Variants in ZNF438 observed in about 807,000 individuals in gnomAD.
ZNF438 encodes the protein zinc finger protein 438.
Under a neutral mutation model 38.0 loss-of-function variants are expected in ZNF438, and 25 were observed. That is an observed-to-expected ratio of 0.66 (90% CI 0.48 to 0.92). The LOEUF is 0.92. Among genes scored for constraint, ZNF438 ranks in the 40% least tolerant of loss-of-function variants. The pLI, the probability that ZNF438 is intolerant of heterozygous loss-of-function variation, is 0.00. For synonymous variants in ZNF438, 372 were observed against 364.1 expected, an observed-to-expected ratio of 1.02 and a Z score of -0.25; for missense variants, 1,007 against 999.6, an observed-to-expected ratio of 1.01 and a Z score of -0.10.
intron 1 of ZNF438, among the ~76,000 whole-genome samples, chr10:30,963,209 G>C (rs752034914): frequency 2.6e-5 from 4 of 151,634 alleles, no homozygotes; most frequent in Non-Finnish European, 5.9e-5. Context: ...CTGGCCAACA[G>C]AGTGAAACCC....
At chr10:30,892,767 C>A (rs571873452) in intron 3 of ZNF438, among the ~76,000 whole-genome samples, 1 of 152,270 alleles carries the variant, frequency 6.6e-6, no homozygotes, top group South Asian at 2.1e-4. Flanking sequence ...AAGCTCTGTC[C>A]CCTGTCCGTA....
chr10:30,926,828 A>C (rs1313797772), intron 2 of ZNF438, among the ~76,000 whole-genome samples: 1 of 152,188 alleles, frequency 6.6e-6, no homozygotes, highest in South Asian at 2.1e-4. Context: ...TCTGGAATTC[A>C]CATGGTAAAA....
intron 1 of ZNF438, among the ~76,000 whole-genome samples, chr10:30,968,045 T>A (rs1189886329): frequency 6.6e-6 from 1 of 152,088 alleles, no homozygotes; most frequent in Non-Finnish European, 1.5e-5. Context: ...GAGCACAGCA[T>A]AAATTTATAA....
At chr10:30,895,473 C>A (rs1378692392) in intron 3 of ZNF438, among the ~76,000 whole-genome samples, 1 of 152,038 alleles carries the variant, frequency 6.6e-6, no homozygotes, top group East Asian at 1.9e-4. Flanking sequence ...GAGATGACAC[C>A]AAAAACATAG....
intron 4 of ZNF438, among the ~76,000 whole-genome samples, chr10:30,858,945 G>A (rs1168275829): frequency 6.6e-6 from 1 of 152,150 alleles, no homozygotes; most frequent in Non-Finnish European, 1.5e-5. Context: ...TTTCTGAGGA[G>A]CTGAGCTTCT....
intron 1 of ZNF438, among the ~76,000 whole-genome samples, chr10:30,972,467 C>T (rs551246514): frequency 3.3e-5 from 5 of 152,264 alleles, no homozygotes; most frequent in South Asian, 2.1e-4. Context: ...ACTTTTGCAA[C>T]GTATTCTTTT....
chr10:31,007,404 C>A (rs1331607437), intron 1 of ZNF438, among the ~76,000 whole-genome samples: 2 of 151,348 alleles, frequency 1.3e-5, no homozygotes, highest in Non-Finnish European at 2.9e-5. Flanking sequence ...GTCTCAGCCT[C>A]CTGAGTAGCT....
chr10:30,984,673 T>C (rs1045439406), intron 1 of ZNF438, among the ~76,000 whole-genome samples: 1 of 152,112 alleles, frequency 6.6e-6, no homozygotes, highest in Non-Finnish European at 1.5e-5. Flanking sequence ...AAAAAAGAAA[T>C]GCCACAATGA....
chr10:30,864,049 C>T (rs2036015545), intron 4 of ZNF438, among the ~76,000 whole-genome samples: 1 of 152,172 alleles, frequency 6.6e-6, no homozygotes, highest in Admixed American at 6.5e-5. Flanking sequence ...ATCCCCAGGG[C>T]CATCTCTCTC....
intron 2 of ZNF438, among the ~76,000 whole-genome samples, chr10:30,934,857 A>G (rs2046072183): frequency 6.6e-6 from 1 of 152,214 alleles, no homozygotes; most frequent in Non-Finnish European, 1.5e-5. Flanking sequence ...TTGCCAGGAC[A>G]TTATCTACTA....
intron 4 of ZNF438, among the ~76,000 whole-genome samples, chr10:30,863,059 C>T (rs12251780): frequency 0.027 from 4,143 of 152,116 alleles, 180 homozygotes; most frequent in African/African-American, 0.094. Context: ...TTTTGCTGCA[C>T]GTTTTTCTAT....
chr10:30,873,192 C>T (rs1208857223), intron 4 of ZNF438, among the ~76,000 whole-genome samples: 1 of 152,112 alleles, frequency 6.6e-6, no homozygotes, highest in East Asian at 1.9e-4. Context: ...AAACTAAATT[C>T]TATCCCTAAA....
chr10:31,031,039 G>T (rs1400599918), intron 1 of ZNF438, among the ~76,000 whole-genome samples: 2 of 152,176 alleles, frequency 1.3e-5, no homozygotes, highest in Non-Finnish European at 2.9e-5. Flanking sequence ...TATTTCTTGG[G>T]ATCCCCATTC....
intron 1 of ZNF438, among the ~76,000 whole-genome samples, chr10:30,952,031 T>A (rs554264718): frequency 0.12 from 17,391 of 147,654 alleles, 1,379 homozygotes; most frequent in Middle Eastern, 0.22. Context: ...CAAAACAGCA[T>A]GGTACTGGTA....
chr10:30,895,992 C>T (rs1349135979), intron 3 of ZNF438, among the ~76,000 whole-genome samples: 1 of 152,134 alleles, frequency 6.6e-6, no homozygotes, highest in African/African-American at 2.4e-5. Context: ...AGCAATTCCA[C>T]ATCTGTGTGA....
At position 30,962,055 on chromosome 10, in the gene ZNF438, T is replaced by C. The variant is rs933994858; in HGVS notation, c.-191-20404A>G. On this transcript the variant is annotated intron_variant, in intron 1 of 5. Coordinates refer to ENST00000413025, the Ensembl canonical transcript of ZNF438. ...AGGTCTTTTAATTTGCTTTTTCTTCTTAAGGTTACAAAAGCGAAAAGTCTT... is the reference window on the plus strand; with the variant it reads ...AGGTCTTTTAATTTGCTTTTTCTTCCTAAGGTTACAAAAGCGAAAAGTCTT... 4.1e-5 allele frequency among the ~76,000 whole-genome samples: 6 copies of C among 147,016 alleles called. 1 individual carries two copies. Among genetic ancestry groups the C allele is most frequent in the Non-Finnish European group, 9.2e-5 (6 of 64,926 alleles).
At position 30,877,080 on chromosome 10, in the gene ZNF438, G is replaced by T; in HGVS notation, c.-31-15C>A. On this transcript the variant is annotated splice_polypyrimidine_tract_variant and intron_variant, in intron 3 of 5. Transcript: ENST00000413025. ...TAGTATCTTTCCTAAAAATAAGCAA[G>T]CACAAATAAGTATTAGAAAGTAATT... is the stretch of plus-strand genomic sequence containing the variant. 1 of 1,490,676 alleles carries T rather than the reference G, an allele frequency of 6.7e-7. No individual in the cohort carries two copies. Among genetic ancestry groups the T allele is most frequent in the Non-Finnish European group, 9.2e-7 (1 of 1,085,652 alleles). 92.3% of individuals were successfully genotyped at this position (1,490,676 alleles called of 1,614,324 possible).
chr10:31,003,147 G>A (rs1180192289), intron 1 of ZNF438, among the ~76,000 whole-genome samples: 1 of 152,118 alleles, frequency 6.6e-6, no homozygotes, highest in East Asian at 1.9e-4. Context: ...CAAGTCTTGA[G>A]ATGTGTAGGG....
chr10:30,953,334 G>C (rs866933871), intron 1 of ZNF438, among the ~76,000 whole-genome samples: 1 of 151,812 alleles, frequency 6.6e-6, no homozygotes, highest in African/African-American at 2.4e-5. Flanking sequence ...GCGCACCAGC[G>C]TGGCACATGT....
Sources: allele counts gnomAD v4.1 joint callset (sites outside exome capture counted in the v4.1 genomes callset), GRCh38; gene constraint gnomAD v4.1.1; transcripts MANE v1.5; gene names NCBI Gene and HGNC (gene_info 2026-07-23, HGNC 2026-07-21).